CCDC60: variants seen among roughly 807,000 people sequenced by gnomAD.
CCDC60 encodes coiled-coil domain-containing protein 60.
Under a neutral mutation model 63.5 loss-of-function variants are expected in CCDC60, and 54 were observed. The observed-to-expected ratio is 0.85, with a 90% CI of 0.68 to 1.07. The LOEUF (loss-of-function observed/expected upper bound fraction) is 1.07, where lower values mean the gene tolerates loss of function less well. Ranked by LOEUF, CCDC60 falls within the 50% of genes least tolerant of loss-of-function variation. The pLI, the probability that CCDC60 is intolerant of heterozygous loss-of-function variation, is 0.00. For synonymous variants in CCDC60, 206 were observed against 238.8 expected, an observed-to-expected ratio of 0.86 and a Z score of 1.27; for missense variants, 651 against 684.3, an observed-to-expected ratio of 0.95 and a Z score of 0.54.
intron 7 of CCDC60, among the ~76,000 whole-genome samples, chr12:119,515,107 T>C (rs1361037961): frequency 6.6e-6 from 1 of 152,168 alleles, no homozygotes; most frequent in Non-Finnish European, 1.5e-5. Context: ...GTTCACACAA[T>C]GACAAAATCG....
At chr12:119,509,460 CT>C (rs370397760) in intron 7 of CCDC60, among the ~76,000 whole-genome samples, 1 of 152,102 alleles carries the variant, frequency 6.6e-6, no homozygotes, top group African/African-American at 2.4e-5. Context: ...TAAATTACTC[CT>C]TGTGGTAACA....
chr12:119,457,517 A>G (rs1940825022), intron 2 of CCDC60, among the ~76,000 whole-genome samples: 1 of 152,266 alleles, frequency 6.6e-6, no homozygotes, highest in Admixed American at 6.5e-5. Flanking sequence ...TGTGGTTGCA[A>G]TAAGCACTCA....
intron 12 of CCDC60, among the ~76,000 whole-genome samples, chr12:119,529,034 T>C (rs933793434): frequency 2.6e-5 from 4 of 152,174 alleles, no homozygotes; most frequent in Non-Finnish European, 5.9e-5. Flanking sequence ...TGCCAGGCCC[T>C]GTGGGACAGG....
chr12:119,538,284 T>G (rs1953067584), intron 13 of CCDC60, among the ~76,000 whole-genome samples: 1 of 152,230 alleles, frequency 6.6e-6, no homozygotes, highest in Non-Finnish European at 1.5e-5. Flanking sequence ...GCACAGTATT[T>G]GGGCAGAAGT....
chr12:119,523,847 A>C lies in CCDC60; in HGVS notation c.1229+29A>C, dbSNP rs1481695417. On this transcript the variant is annotated intron_variant, in intron 11 of 13. Coordinates refer to ENST00000327554, the MANE Select transcript of CCDC60 (RefSeq NM_178499.5). The stretch of plus-strand genomic sequence containing the variant: ...AGCGCACATATATATCCATTCATTC[A>C]AACAGCATTCACTGGGTACCTACTA... The C allele has an allele frequency of 1.9e-6, 3 of 1,611,202 alleles. No homozygotes were observed. In the South Asian group the frequency reaches 3.3e-5, roughly 18 times the overall value.
intron 6 of CCDC60, 23 bp downstream of exon 6, chr12:119,500,191 A>G (rs1301457807): frequency 9.4e-6 from 14 of 1,489,938 alleles, no homozygotes; most frequent in African/African-American, 1.4e-5. Flanking sequence ...ACGCGACTCA[A>G]CCCTTTGGCT....
At chr12:119,381,657 A>G (rs922364671) in intron 1 of CCDC60, among the ~76,000 whole-genome samples, 1 of 152,080 alleles carries the variant, frequency 6.6e-6, no homozygotes, top group Non-Finnish European at 1.5e-5. Flanking sequence ...CTTACACCTC[A>G]TGACAACCCC....
At chr12:119,520,702 C>T (rs1221931784) in intron 9 of CCDC60, among the ~76,000 whole-genome samples, 1 of 151,992 alleles carries the variant, frequency 6.6e-6, no homozygotes, top group Admixed American at 6.6e-5. Context: ...CCACCATGCC[C>T]TGCTAATTTT....
chr12:119,363,700 C>T lies in CCDC60; in HGVS notation c.90+28434C>T, dbSNP rs567475204. The stretch of plus-strand genomic sequence containing the variant: ...CTTGTTTCCATCTGGGATTGACTTC[C>T]TGCAGCCTGGAGAGCTGCTTTAGTA... On this transcript the variant is annotated intron_variant, in intron 1 of 13. Coordinates refer to ENST00000327554, the MANE Select transcript of CCDC60 (RefSeq NM_178499.5). 1.0e-3 allele frequency among the ~76,000 whole-genome samples: 155 copies of T among 152,302 alleles called. 1 individual carries two copies. The highest frequency in any genetic ancestry group is 3.6e-3 in the African/African-American group (150 of 41,566).
rs532725526 is a variant in CCDC60 at position 119,540,697 on chromosome 12, C to T, written c.1635C>T (p.Pro545=). The part of the protein sequence containing the change: ...LQSRINIPIG[P]YSALR ...GCCGGATCAACATACCCATTGGGCC[C>T]TACAGCGCCCTGAGGTAGGCTGGGC... Residue 545 remains proline (P), a synonymous_variant, in exon 14 of 14, where the codon CCC becomes CCT. Transcript: ENST00000327554. 85 of 1,613,416 alleles carry T rather than the reference C, an allele frequency of 5.3e-5. No individual in the cohort carries two copies. Among genetic ancestry groups the T allele is most frequent in the Non-Finnish European group, 6.7e-5 (79 of 1,179,794 alleles).
At chr12:119,337,824 TTGTGTG>T (rs60009617) in intron 1 of CCDC60, among the ~76,000 whole-genome samples, 14,829 of 140,578 alleles carry the variant, frequency 0.11, 857 homozygotes, top group Non-Finnish European at 0.15. Context: ...GTGTGTGTAT[TTGTGTG>T]TGTGTGTGTG....
rs754289835 is a variant in CCDC60 at position 119,516,649 on chromosome 12, CG to C, written c.913del (p.Glu305LysfsTer9). The C allele has an allele frequency of 1.9e-6, 3 of 1,613,680 alleles. No homozygotes were observed. In the African/African-American group the frequency reaches 4.0e-5, roughly 22 times the overall value. On this transcript the variant is annotated frameshift_variant, in exon 8 of 14. Coordinates refer to ENST00000327554, the MANE Select transcript of CCDC60 (RefSeq NM_178499.5). LOFTEE classifies it high-confidence loss of function. ...MNLQKLLEMV[R>X]EDARRTVTIE... The stretch of plus-strand genomic sequence containing the variant: ...TCTGCAGAAGCTCCTGGAGATGGTT[CG>C]GGAAGATGCCCGGAGGACAGTCACA...
rs180905791 is a variant in CCDC60, at chr12:119,426,550, G to A, written c.91-2133G>A. Among the ~76,000 whole-genome samples the A allele has an allele frequency of 1.1e-4, 17 of 151,898 alleles. No homozygotes were observed. In the East Asian group the frequency reaches 3.3e-3, roughly 30 times the overall value. On this transcript the variant is annotated intron_variant, in intron 1 of 13. Coordinates refer to ENST00000327554, the MANE Select transcript of CCDC60 (RefSeq NM_178499.5). Reference sequence around the variant, plus strand: ...TTTTTTGTATTTTTTGTAGAGACAGGGTTTTGTCATGTTGCCCTGTCTGGT... The same window carrying A: ...TTTTTTGTATTTTTTGTAGAGACAGAGTTTTGTCATGTTGCCCTGTCTGGT...
chr12:119,479,276 C>A, intron 4 of CCDC60, 75 bp downstream of exon 4: 2 of 1,013,050 alleles, frequency 2.0e-6, no homozygotes, highest in Non-Finnish European at 3.1e-6. Context: ...ACTCAACGAG[C>A]TGTCATGTCA....
intron 1 of CCDC60, among the ~76,000 whole-genome samples, chr12:119,397,686 G>C (rs1436157453): frequency 7.2e-6 from 1 of 138,790 alleles, no homozygotes; most frequent in Non-Finnish European, 1.5e-5. Flanking sequence ...CAGGGGTGGA[G>C]TTGCCGGCCA....
At chr12:119,414,019 C>T (rs1956654173) in intron 1 of CCDC60, among the ~76,000 whole-genome samples, 1 of 151,998 alleles carries the variant, frequency 6.6e-6, no homozygotes. Flanking sequence ...CTGTCTATCA[C>T]TCTGGTTTGC....
intron 1 of CCDC60, among the ~76,000 whole-genome samples, chr12:119,369,360 A>C (rs544150122): frequency 1.3e-5 from 2 of 152,352 alleles, no homozygotes; most frequent in Admixed American, 6.5e-5. Flanking sequence ...GAGAGCTGAC[A>C]AACAGCATTC....
chr12:119,430,759 C>A (rs1950215444), intron 2 of CCDC60, among the ~76,000 whole-genome samples: 1 of 151,896 alleles, frequency 6.6e-6, no homozygotes, highest in Non-Finnish European at 1.5e-5. Flanking sequence ...GAGAAACCGA[C>A]CCTGCTGGCA....
intron 2 of CCDC60, among the ~76,000 whole-genome samples, chr12:119,450,856 C>CAA (rs761740089): frequency 0.035 from 3,014 of 85,356 alleles, 51 homozygotes; most frequent in Non-Finnish European, 0.049. Context: ...GACTCCATCT[C>CAA]AAAAAAAAAA....
Sources: gnomAD v4.1 joint callset for allele counts (sites outside exome capture counted in the v4.1 genomes callset) on GRCh38, gnomAD v4.1.1 for gene constraint, MANE v1.5 for transcripts, NCBI Gene and HGNC (gene_info 2026-07-23, HGNC 2026-07-21) for gene names.